The following CFAP44 variants were observed in gnomAD, a reference collection of about 807,000 sequenced individuals.
The protein encoded by CFAP44 is cilia- and flagella-associated protein 44.
CFAP44 carries 134 observed loss-of-function variants against 216.2 expected under a neutral mutation model. That is an observed-to-expected ratio of 0.62 (90% confidence interval 0.54 to 0.72). The LOEUF is 0.72. CFAP44 is among the 30% of genes least tolerant of loss of function. CFAP44 has a pLI of 0.00. For synonymous variants in CFAP44, 700 were observed against 727.6 expected, an observed-to-expected ratio of 0.96 and a Z score of 0.61; for missense variants, 2,035 against 2,182.1, an observed-to-expected ratio of 0.93 and a Z score of 1.34.
At position 113,388,879 on chromosome 3, in the gene CFAP44, A is replaced by T. The variant is rs187135733; in HGVS notation, c.1890+6871T>A. Among the ~76,000 whole-genome samples, 252 of 152,318 alleles carry T rather than the reference A, an allele frequency of 1.7e-3. 1 individual carries two copies. Among genetic ancestry groups the T allele is most frequent in the African/African-American group, 5.9e-3 (244 of 41,576 alleles). The stretch of plus-strand genomic sequence containing the variant: ...CTGGAGAACTCAGATATATAAGCCA[A>T]ATATTATTAGAGCTAAAGAAAGAGA... On this transcript the variant is annotated intron_variant, in intron 15 of 34. Transcript: ENST00000393845.
At chr3:113,323,702 A>G (rs1462146001) in intron 28 of CFAP44, among the ~76,000 whole-genome samples, 2 of 152,208 alleles carry the variant, frequency 1.3e-5, no homozygotes, top group Non-Finnish European at 2.9e-5. Context: ...GATGAAATAT[A>G]CCAATTCCTC....
intron 28 of CFAP44, among the ~76,000 whole-genome samples, chr3:113,317,857 A>G (rs995085721): frequency 4.6e-5 from 7 of 152,174 alleles, no homozygotes; most frequent in Admixed American, 1.3e-4. Flanking sequence ...GGCCTGGAAC[A>G]CCCAACAACA....
At chr3:113,395,930 C>T (rs1933978681) in intron 14 of CFAP44, 70 bp from the exon 15 acceptor site, 4 of 1,070,092 alleles carry the variant, frequency 3.7e-6, no homozygotes, top group African/African-American at 1.6e-5. Flanking sequence ...CACAAAAAAG[C>T]ATGTAATAAC....
chr3:113,395,696 T>C (rs984618325), intron 15 of CFAP44, 54 bp downstream of exon 15: 1 of 1,466,056 alleles, frequency 6.8e-7, no homozygotes, highest in Non-Finnish European at 9.4e-7. Context: ...TACAAGATAG[T>C]TTCACTATGT....
intron 15 of CFAP44, among the ~76,000 whole-genome samples, chr3:113,387,420 A>G (rs1278496409): frequency 3.3e-5 from 5 of 152,148 alleles, no homozygotes; most frequent in Admixed American, 6.5e-5. Context: ...CCCAGATGAT[A>G]TCTCCAGACA....
chr3:113,376,746 T>C (rs938761337), intron 17 of CFAP44, among the ~76,000 whole-genome samples: 1 of 152,206 alleles, frequency 6.6e-6, no homozygotes, highest in Non-Finnish European at 1.5e-5. Context: ...TGATTACAGA[T>C]GATTCTTTCA....
intron 28 of CFAP44, among the ~76,000 whole-genome samples, chr3:113,323,078 G>C (rs1294159817): frequency 6.6e-6 from 1 of 152,180 alleles, no homozygotes; most frequent in Non-Finnish European, 1.5e-5. Context: ...CCACTCCCAT[G>C]ATTCAATTAC....
At chr3:113,362,446 G>A (rs1404215349) in intron 21 of CFAP44, among the ~76,000 whole-genome samples, 2 of 152,116 alleles carry the variant, frequency 1.3e-5, no homozygotes, top group Non-Finnish European at 2.9e-5. Flanking sequence ...TCTTGAAGCC[G>A]TATTTTTTGC....
chr3:113,381,590 T>C (rs1933512307), intron 15 of CFAP44, among the ~76,000 whole-genome samples: 1 of 152,230 alleles, frequency 6.6e-6, no homozygotes, highest in Non-Finnish European at 1.5e-5. Flanking sequence ...ACAACCTTCA[T>C]TACCACTTAC....
At chr3:113,343,357 C>T (rs1287829195) in intron 23 of CFAP44, among the ~76,000 whole-genome samples, 1 of 152,104 alleles carries the variant, frequency 6.6e-6, no homozygotes, top group Non-Finnish European at 1.5e-5. Context: ...GCCACCACAC[C>T]TGGTCTACTA....
intron 6 of CFAP44, among the ~76,000 whole-genome samples, chr3:113,415,157 T>A (rs1934609045): frequency 6.6e-6 from 1 of 152,212 alleles, no homozygotes; most frequent in Non-Finnish European, 1.5e-5. Flanking sequence ...CATAGAGGTA[T>A]CTATGGTATT....
intron 18 of CFAP44, among the ~76,000 whole-genome samples, chr3:113,372,117 T>G (rs913718937): frequency 3.9e-5 from 6 of 152,216 alleles, no homozygotes; most frequent in African/African-American, 1.4e-4. Flanking sequence ...AGGAATGCTT[T>G]TACACTGCTG....
intron 22 of CFAP44, among the ~76,000 whole-genome samples, chr3:113,357,628 CA>C (rs1950503153): frequency 2.6e-5 from 4 of 152,278 alleles, no homozygotes; most frequent in African/African-American, 9.6e-5. Flanking sequence ...AACTGCGAGA[CA>C]GTAAATAACC....
At chr3:113,309,027 T>C (rs749034941) in intron 28 of CFAP44, among the ~76,000 whole-genome samples, 1 of 152,222 alleles carries the variant, frequency 6.6e-6, no homozygotes, top group African/African-American at 2.4e-5. Context: ...TGGGATTCTG[T>C]ACCAGAACTT....
intron 26 of CFAP44, among the ~76,000 whole-genome samples, chr3:113,329,208 C>T (rs922365366): frequency 1.3e-5 from 2 of 152,034 alleles, no homozygotes; most frequent in African/African-American, 2.4e-5. Flanking sequence ...ACATGAGATG[C>T]TTATTACAGG....
intron 28 of CFAP44, among the ~76,000 whole-genome samples, chr3:113,313,255 T>G (rs1950056507): frequency 6.6e-6 from 1 of 152,154 alleles, no homozygotes; most frequent in Non-Finnish European, 1.5e-5. Context: ...GTGACTGCCC[T>G]GCTGGATTTC....
chr3:113,433,895 T>C (rs112278223), intron 1 of CFAP44: 4 of 365,632 alleles, frequency 1.1e-5, no homozygotes, highest in African/African-American at 6.0e-5. Context: ...TCTAGGTAAA[T>C]TGTCATTGTG....
intron 31 of CFAP44, among the ~76,000 whole-genome samples, chr3:113,304,662 C>T (rs3773697): frequency 0.11 from 16,063 of 152,198 alleles, 1,072 homozygotes; most frequent in Non-Finnish European, 0.16. Context: ...TGAGTAGAGA[C>T]TAAGCAAAGG....
At chr3:113,426,553 GC>G (rs755891626) in intron 3 of CFAP44, among the ~76,000 whole-genome samples, 30 of 152,098 alleles carry the variant, frequency 2.0e-4, no homozygotes, top group Admixed American at 3.3e-4. Flanking sequence ...TTCCCTTTCT[GC>G]CATAATTGTA....
Sources: allele counts gnomAD v4.1 joint callset (sites outside exome capture counted in the v4.1 genomes callset), GRCh38; gene constraint gnomAD v4.1.1; transcripts MANE v1.5; gene names NCBI Gene and HGNC (gene_info 2026-07-23, HGNC 2026-07-21).